CSNK2A2IP: variants seen among roughly 807,000 people sequenced by gnomAD.
CSNK2A2IP encodes the protein casein kinase 2 subunit alpha' interacting protein.
chr3:88,423,363 C>CT, the CSNK2A2IP span, among the ~76,000 whole-genome samples: 4 of 151,760 alleles, frequency 2.6e-5, no homozygotes, highest in African/African-American at 4.8e-5. Flanking sequence ...GCTGGGTACA[C>CT]TTTTTTTTTC....
the CSNK2A2IP span, among the ~76,000 whole-genome samples, chr3:88,382,318 G>A: frequency 6.6e-6 from 1 of 152,134 alleles, no homozygotes; most frequent in African/African-American, 2.4e-5. Flanking sequence ...CAATAAATCT[G>A]TGACATGAGT....
chr3:88,426,918 A>G, the CSNK2A2IP span, among the ~76,000 whole-genome samples: 1 of 151,536 alleles, frequency 6.6e-6, no homozygotes, highest in Non-Finnish European at 1.5e-5. Context: ...GTGCTACTGT[A>G]AAAATACCTG....
chr3:88,467,511 A>G, the CSNK2A2IP span: 1 of 398,544 alleles, frequency 2.5e-6, no homozygotes, highest in African/African-American at 2.1e-5. Flanking sequence ...ACAATACAGT[A>G]AAATGGAGAA....
At chr3:88,451,606 C>T in the CSNK2A2IP span, among the ~76,000 whole-genome samples, 1 of 151,702 alleles carries the variant, frequency 6.6e-6, no homozygotes, top group Non-Finnish European at 1.5e-5. Context: ...ATTTTTTTCA[C>T]CTTTGTTTCT....
chr3:88,446,083 TTTCTTTCTTTCTTTCTTTTTTTC>T, the CSNK2A2IP span, among the ~76,000 whole-genome samples: 1 of 143,704 alleles, frequency 7.0e-6, no homozygotes, highest in Non-Finnish European at 1.5e-5. Context: ...TCTTTCTTTC[TTTCTTTCTTTCTTTCTTTTTTTC>T]TTTCTTTCTT....
the CSNK2A2IP span, among the ~76,000 whole-genome samples, chr3:88,362,650 C>T: frequency 7.2e-5 from 11 of 152,156 alleles, no homozygotes; most frequent in Admixed American, 7.2e-4. Context: ...TATTCAAAGC[C>T]AAAGGTCACG....
chr3:88,358,658 T>C, the CSNK2A2IP span, among the ~76,000 whole-genome samples: 3 of 152,232 alleles, frequency 2.0e-5, no homozygotes, highest in Non-Finnish European at 4.4e-5. Context: ...TTGTGCATGT[T>C]GAACCATCCT....
the CSNK2A2IP span, among the ~76,000 whole-genome samples, chr3:88,443,412 T>G: frequency 1.3e-5 from 2 of 151,846 alleles, no homozygotes; most frequent in Non-Finnish European, 2.9e-5. Context: ...GAGTGCAAAT[T>G]GAGAAAAGAG....
the CSNK2A2IP span, among the ~76,000 whole-genome samples, chr3:88,405,218 T>C: frequency 1.3e-5 from 2 of 152,180 alleles, no homozygotes; most frequent in Non-Finnish European, 2.9e-5. Context: ...CCTATCACCA[T>C]GTTCCCCCAA....
chr3:88,373,702 G>T, the CSNK2A2IP span, among the ~76,000 whole-genome samples: 1 of 149,010 alleles, frequency 6.7e-6, no homozygotes, highest in Non-Finnish European at 1.5e-5. Context: ...ATGCAATAAA[G>T]CCAAAAGTTA....
the CSNK2A2IP span, among the ~76,000 whole-genome samples, chr3:88,435,103 G>A: frequency 5.4e-3 from 820 of 152,170 alleles, 12 homozygotes; most frequent in African/African-American, 0.018. Flanking sequence ...ATACCAAGCA[G>A]GTTCTGTTGT....
At chr3:88,376,894 T>C in the CSNK2A2IP span, among the ~76,000 whole-genome samples, 10 of 151,864 alleles carry the variant, frequency 6.6e-5, no homozygotes, top group Non-Finnish European at 2.9e-5. Context: ...ATACTCTTGT[T>C]GGTCTTTTCT....
the CSNK2A2IP span, among the ~76,000 whole-genome samples, chr3:88,417,918 T>C: frequency 6.6e-6 from 1 of 152,206 alleles, no homozygotes; most frequent in Non-Finnish European, 1.5e-5. Flanking sequence ...TCATTTCTGG[T>C]AGAGCAAGAT....
At chr3:88,363,869 A>G in the CSNK2A2IP span, among the ~76,000 whole-genome samples, 3 of 152,132 alleles carry the variant, frequency 2.0e-5, no homozygotes, top group African/African-American at 4.8e-5. Flanking sequence ...AGGAAAAGGC[A>G]TGCTTCCTAA....
chr3:88,359,954 T>C, the CSNK2A2IP span, among the ~76,000 whole-genome samples: 1 of 152,188 alleles, frequency 6.6e-6, no homozygotes, highest in Non-Finnish European at 1.5e-5. Flanking sequence ...TTGCTGAAAG[T>C]TGGGTGTTGA....
chr3:88,393,334 G>A, the CSNK2A2IP span, among the ~76,000 whole-genome samples: 10 of 152,266 alleles, frequency 6.6e-5, no homozygotes, highest in Admixed American at 2.0e-4. Flanking sequence ...CTATAAGTAC[G>A]GAGAAAGTGC....
chr3:88,403,061 C>T, the CSNK2A2IP span, among the ~76,000 whole-genome samples: 1 of 151,880 alleles, frequency 6.6e-6, no homozygotes, highest in Non-Finnish European at 1.5e-5. Flanking sequence ...TTTAATTTGG[C>T]TTATTTTTTG....
chr3:88,466,964 C>T, the CSNK2A2IP span: 1 of 1,231,192 alleles, frequency 8.1e-7, no homozygotes, highest in Non-Finnish European at 1.0e-6. Context: ...CTCCCATTCC[C>T]TATGAAAGAA....
the CSNK2A2IP span, among the ~76,000 whole-genome samples, chr3:88,390,322 A>G: frequency 6.6e-6 from 1 of 152,212 alleles, no homozygotes; most frequent in Admixed American, 6.5e-5. Flanking sequence ...GTTAAACATC[A>G]GGTCATGAGA....
Sources: allele counts gnomAD v4.1 joint callset (sites outside exome capture counted in the v4.1 genomes callset), GRCh38; gene constraint gnomAD v4.1.1; transcripts MANE v1.5; gene names NCBI Gene and HGNC (gene_info 2026-07-23, HGNC 2026-07-21).